The following NSMAF variants were observed in gnomAD, a reference collection of about 807,000 sequenced individuals.
NSMAF encodes the protein neutral sphingomyelinase activation associated factor, also known as protein FAN.
In NSMAF, 90 loss-of-function variants were observed where a neutral mutation model predicts 134.9. The ratio of observed to expected loss-of-function variants is 0.67; its 90% CI spans 0.56 to 0.79. NSMAF has a LOEUF of 0.79. Ranked by LOEUF, NSMAF falls within the 30% of genes least tolerant of loss-of-function variation. NSMAF has a pLI of 0.00. For synonymous variants in NSMAF, 358 were observed against 389.6 expected, an observed-to-expected ratio of 0.92 and a Z score of 0.96; for missense variants, 1,010 against 1,119.0, an observed-to-expected ratio of 0.90 and a Z score of 1.39.
At chr8:58,618,576 T>C (rs1360931702) in intron 9 of NSMAF, among the ~76,000 whole-genome samples, 1 of 151,884 alleles carries the variant, frequency 6.6e-6, no homozygotes, top group African/African-American at 2.4e-5. Flanking sequence ...CACATATATA[T>C]ATAATACAAA....
At chr8:58,637,990 G>T (rs1385314039) in intron 2 of NSMAF, among the ~76,000 whole-genome samples, 1 of 152,044 alleles carries the variant, frequency 6.6e-6, no homozygotes, top group Non-Finnish European at 1.5e-5. Flanking sequence ...AACAGAAACA[G>T]AAAAAAAGAA....
At chr8:58,624,859 T>A (rs567243814) in intron 6 of NSMAF, among the ~76,000 whole-genome samples, 78 of 152,328 alleles carry the variant, frequency 5.1e-4, no homozygotes, top group African/African-American at 1.8e-3. Flanking sequence ...TCTCCTACCA[T>A]TATTGTGTTG....
intron 1 of NSMAF, among the ~76,000 whole-genome samples, chr8:58,651,797 G>A (rs80347765): frequency 0.019 from 2,894 of 152,292 alleles, 118 homozygotes; most frequent in African/African-American, 0.066. Flanking sequence ...CAATCAACTG[G>A]GGATCTTGTT....
rs555731355 is a variant in NSMAF, at chr8:58,585,459, C to T, written c.2659+193G>A. Reference sequence around the variant, plus strand: ...CTTTTTGGAGTCCAATGGCTGTTAACATAAATCTAAATCCTGAGTAACCTA... The same window carrying T: ...CTTTTTGGAGTCCAATGGCTGTTAATATAAATCTAAATCCTGAGTAACCTA... On this transcript the variant is annotated intron_variant, in intron 30 of 30. Transcript: ENST00000038176. Among the ~76,000 whole-genome samples, 45 of 151,896 alleles carry T rather than the reference C, an allele frequency of 3.0e-4. 1 individual carries two copies. The highest frequency in any genetic ancestry group is 6.2e-4 in the Non-Finnish European group (42 of 68,004).
At chr8:58,632,164 T>C (rs141749982) in intron 5 of NSMAF, among the ~76,000 whole-genome samples, 4 of 152,250 alleles carry the variant, frequency 2.6e-5, no homozygotes, top group East Asian at 3.9e-4. Context: ...TCCCCAAACC[T>C]GTCAGATATT....
chr8:58,624,705 G>A (rs1455190931), intron 6 of NSMAF, among the ~76,000 whole-genome samples: 1 of 152,154 alleles, frequency 6.6e-6, no homozygotes, highest in African/African-American at 2.4e-5. Context: ...GTGCTTGAGA[G>A]GAAAGTGTAT....
intron 2 of NSMAF, among the ~76,000 whole-genome samples, chr8:58,636,209 A>G (rs142618981): frequency 6.6e-6 from 1 of 152,334 alleles, no homozygotes; most frequent in East Asian, 1.9e-4. Flanking sequence ...CTAGCTCTAC[A>G]ATTGTCAATA....
chr8:58,636,946 CCTTT>C (rs1807186285), intron 2 of NSMAF, among the ~76,000 whole-genome samples: 2 of 152,024 alleles, frequency 1.3e-5, no homozygotes, highest in African/African-American at 4.8e-5. Flanking sequence ...TGATTCTTTA[CCTTT>C]ATTTATCAAG....
chr8:58,654,956 T>A (rs369720364), intron 1 of NSMAF, among the ~76,000 whole-genome samples: 2 of 151,954 alleles, frequency 1.3e-5, no homozygotes, highest in African/African-American at 4.8e-5. Context: ...TGTCTCAGTC[T>A]CCCGAGTAGC....
At chr8:58,626,091 CTTTTTTTTTTTT>C (rs1225264071) in intron 6 of NSMAF, among the ~76,000 whole-genome samples, 2 of 99,370 alleles carry the variant, frequency 2.0e-5, no homozygotes, top group South Asian at 7.3e-4. Flanking sequence ...TTATATAATT[CTTTTTTTTTTTT>C]TTTTTTTTTG....
At chr8:58,638,527 G>A (rs1250126567) in intron 2 of NSMAF, among the ~76,000 whole-genome samples, 3 of 151,882 alleles carry the variant, frequency 2.0e-5, no homozygotes, top group Non-Finnish European at 4.4e-5. Flanking sequence ...ACACAATGAA[G>A]AAAGGATAGT....
At chr8:58,655,456 G>A (rs1807683311) in intron 1 of NSMAF, among the ~76,000 whole-genome samples, 1 of 150,008 alleles carries the variant, frequency 6.7e-6, no homozygotes, top group Non-Finnish European at 1.5e-5. Flanking sequence ...CTGGGGTGCA[G>A]TGGTATGACC....
At chr8:58,642,917 A>T in intron 2 of NSMAF, 67 bp downstream of exon 2, 1 of 1,193,116 alleles carries the variant, frequency 8.4e-7, no homozygotes, top group Non-Finnish European at 1.3e-6. Context: ...ATGATCACAC[A>T]TTTAACTTTA....
intron 1 of NSMAF, among the ~76,000 whole-genome samples, chr8:58,652,182 C>A (rs1023758238): frequency 6.6e-6 from 1 of 152,042 alleles, no homozygotes; most frequent in South Asian, 2.1e-4. Context: ...TATATCTAGA[C>A]AGCAAAAAAC....
chr8:58,612,109 G>A (rs1306773267), intron 9 of NSMAF, among the ~76,000 whole-genome samples: 1 of 152,116 alleles, frequency 6.6e-6, no homozygotes, highest in Non-Finnish European at 1.5e-5. Flanking sequence ...AATTTCCTGA[G>A]TTACAGAAGC....
At chr8:58,637,446 G>A (rs1211306951) in intron 2 of NSMAF, 1 of 455,926 alleles carries the variant, frequency 2.2e-6, no homozygotes, top group Non-Finnish European at 4.4e-6. Flanking sequence ...GCAACACAAA[G>A]GTGCCCACTC....
intron 2 of NSMAF, among the ~76,000 whole-genome samples, chr8:58,638,784 AC>A (rs1475446282): frequency 1.3e-5 from 2 of 152,200 alleles, no homozygotes; most frequent in Non-Finnish European, 2.9e-5. Flanking sequence ...ATTACATAAA[AC>A]AAAAAGCTTC....
At chr8:58,647,393 G>A (rs1807482312) in intron 1 of NSMAF, among the ~76,000 whole-genome samples, 1 of 152,286 alleles carries the variant, frequency 6.6e-6, no homozygotes, top group South Asian at 2.1e-4. Flanking sequence ...AGGCAAGATC[G>A]CAGTCCTACT....
At chr8:58,585,581 C>A in intron 30 of NSMAF, 71 bp downstream of exon 30, 1 of 1,144,092 alleles carries the variant, frequency 8.7e-7, no homozygotes, top group Non-Finnish European at 1.3e-6. Context: ...AGTATGTTCC[C>A]TGATGGAAAA....
Sources: gnomAD v4.1 joint callset for allele counts (sites outside exome capture counted in the v4.1 genomes callset) on GRCh38, gnomAD v4.1.1 for gene constraint, MANE v1.5 for transcripts, NCBI Gene and HGNC (gene_info 2026-07-23, HGNC 2026-07-21) for gene names.